Variants in ATP2B2 observed in about 807,000 individuals in gnomAD.
ATP2B2 encodes the protein ATPase plasma membrane Ca2+ transporting 2, also known as plasma membrane calcium-transporting ATPase 2.
Under a neutral mutation model 120.0 loss-of-function variants are expected in ATP2B2, and 15 were observed. The observed-to-expected ratio is 0.12, with a 90% CI of 0.08 to 0.19. The LOEUF (loss-of-function observed/expected upper bound fraction) is 0.19. Among genes scored for constraint, ATP2B2 ranks in the 10% least tolerant of loss-of-function variants. ATP2B2 has a pLI of 1.00. For missense variants in ATP2B2, 1,045 were observed against 1,719.8 expected, an observed-to-expected ratio of 0.61 and a Z score of 6.94; for synonymous variants, 694 against 700.3, an observed-to-expected ratio of 0.99 and a Z score of 0.14.
At chr3:10,487,019 C>T (rs1174638742) in intron 1 of ATP2B2, among the ~76,000 whole-genome samples, 4 of 152,190 alleles carry the variant, frequency 2.6e-5, no homozygotes, top group South Asian at 2.1e-4. Flanking sequence ...TGAGCCATTG[C>T]GCCCAGCCCC....
intron 2 of ATP2B2, among the ~76,000 whole-genome samples, chr3:10,615,681 C>T (rs2069365935): frequency 6.6e-6 from 1 of 152,188 alleles, no homozygotes. Flanking sequence ...CTTGCTCATC[C>T]TAGTCCTTCT....
At chr3:10,699,972 A>C (rs1384615785) in intron 1 of ATP2B2, among the ~76,000 whole-genome samples, 1 of 152,176 alleles carries the variant, frequency 6.6e-6, no homozygotes, top group African/African-American at 2.4e-5. Flanking sequence ...CCCGGTTTCA[A>C]GTGGTCTCTT....
At chr3:10,694,414 C>T (rs1487136889) in intron 1 of ATP2B2, among the ~76,000 whole-genome samples, 1 of 152,204 alleles carries the variant, frequency 6.6e-6, no homozygotes, top group Non-Finnish European at 1.5e-5. Context: ...TGACATCATG[C>T]AGTATGTAAC....
intron 1 of ATP2B2, among the ~76,000 whole-genome samples, chr3:10,680,547 C>A (rs1391652179): frequency 2.0e-5 from 3 of 152,148 alleles, no homozygotes; most frequent in African/African-American, 7.2e-5. Context: ...GATGCCTTGG[C>A]ATCTTCATCC....
chr3:10,658,507 A>C (rs935906928), intron 1 of ATP2B2, among the ~76,000 whole-genome samples: 2 of 152,244 alleles, frequency 1.3e-5, no homozygotes, highest in African/African-American at 4.8e-5. Context: ...ATTGAAGATC[A>C]AATGAATGAA....
At chr3:10,503,759 C>T (rs2066488624) in intron 1 of ATP2B2, among the ~76,000 whole-genome samples, 1 of 152,246 alleles carries the variant, frequency 6.6e-6, no homozygotes, top group African/African-American at 2.4e-5. Context: ...CATGTGTGTG[C>T]CTGTTGTTTT....
At chr3:10,705,564 C>A (rs1374276243) in intron 1 of ATP2B2, among the ~76,000 whole-genome samples, 1 of 152,238 alleles carries the variant, frequency 6.6e-6, no homozygotes, top group Non-Finnish European at 1.5e-5. Flanking sequence ...ACAGTGCAAG[C>A]ACTTGGACTC....
intron 1 of ATP2B2, among the ~76,000 whole-genome samples, chr3:10,695,344 C>T (rs1196126927): frequency 1.3e-5 from 2 of 151,906 alleles, no homozygotes; most frequent in African/African-American, 4.8e-5. Flanking sequence ...GCCTTATTCA[C>T]TATCATGAGA....
intron 2 of ATP2B2, among the ~76,000 whole-genome samples, chr3:10,616,816 C>A (rs916135588): frequency 1.3e-5 from 2 of 152,130 alleles, no homozygotes; most frequent in Admixed American, 6.6e-5. Context: ...AAGAAAAAAA[C>A]AAGTCACCTG....
chr3:10,345,366 G>T lies in ATP2B2; in HGVS notation c.2703+18C>A. On this transcript the variant is annotated intron_variant, in intron 18 of 22. Coordinates refer to ENST00000360273, the MANE Select transcript of ATP2B2 (RefSeq NM_001001331.4). ...TCCGCCCTCCCCCAGGCTTTGGTGT[G>T]GTCTCCTGCGGACCCACCTGCGTGA... 5 of 1,613,852 alleles carry T rather than the reference G, an allele frequency of 3.1e-6. No individual in the cohort carries two copies. The highest frequency in any genetic ancestry group is 4.2e-6 in the Non-Finnish European group (5 of 1,179,756).
chr3:10,564,846 T>G (rs900422740), intron 2 of ATP2B2, among the ~76,000 whole-genome samples: 2 of 152,222 alleles, frequency 1.3e-5, no homozygotes, highest in African/African-American at 4.8e-5. Context: ...GATTTCCTAT[T>G]GTTCTCTCAA....
chr3:10,480,979 G>A (rs767064454), intron 1 of ATP2B2, among the ~76,000 whole-genome samples: 7 of 152,144 alleles, frequency 4.6e-5, no homozygotes, highest in Non-Finnish European at 1.0e-4. Context: ...TGCTCCACCC[G>A]CACCAGATCT....
rs192519829 is a variant in ATP2B2, at chr3:10,604,910, C to G, written c.-415+15007G>C. On this transcript the variant is annotated intron_variant, in intron 2 of 21. Transcript: ENST00000646379. ...TCCCCCTCCTCCATGTACAGCTTTC[C>G]CAGTGCATTCAACTGTTCTTGTTCT... is the stretch of plus-strand genomic sequence containing the variant. 2.0e-5 allele frequency among the ~76,000 whole-genome samples: 3 copies of G among 152,298 alleles called. No homozygotes were observed. The East Asian group carries it at 5.8e-4, about 29-fold the overall frequency.
intron 1 of ATP2B2, among the ~76,000 whole-genome samples, chr3:10,665,444 C>A (rs975709444): frequency 1.2e-4 from 18 of 152,152 alleles, no homozygotes; most frequent in Admixed American, 6.5e-5. Context: ...GCACGGCATG[C>A]ACCTATCTCT....
chr3:10,526,573 A>G (rs896001222), intron 3 of ATP2B2, among the ~76,000 whole-genome samples: 6 of 151,904 alleles, frequency 3.9e-5, no homozygotes, highest in African/African-American at 7.3e-5. Flanking sequence ...TGCTGGCTCA[A>G]CCTCTTGGGG....
chr3:10,690,631 A>C (rs2071641233), intron 1 of ATP2B2, among the ~76,000 whole-genome samples: 1 of 152,098 alleles, frequency 6.6e-6, no homozygotes, highest in Non-Finnish European at 1.5e-5. Flanking sequence ...GATGCATAAC[A>C]CTTTTCTCAG....
At chr3:10,617,360 TA>T (rs1427199306) in intron 2 of ATP2B2, among the ~76,000 whole-genome samples, 1 of 151,594 alleles carries the variant, frequency 6.6e-6, no homozygotes, top group Admixed American at 6.6e-5. Flanking sequence ...TTAGATAAAA[TA>T]AAAAGAAACA....
At chr3:10,521,928 G>T (rs1303800204) in intron 3 of ATP2B2, among the ~76,000 whole-genome samples, 1 of 152,196 alleles carries the variant, frequency 6.6e-6, no homozygotes, top group Non-Finnish European at 1.5e-5. Context: ...AGTCAGCGAG[G>T]GGAGGTAACT....
chr3:10,527,776 G>T (rs576957181), intron 3 of ATP2B2, among the ~76,000 whole-genome samples: 1 of 152,246 alleles, frequency 6.6e-6, no homozygotes, highest in Non-Finnish European at 1.5e-5. Flanking sequence ...ATCACCCGGT[G>T]TCCCCGCTGG....
Sources: gnomAD v4.1 joint callset for allele counts (sites outside exome capture counted in the v4.1 genomes callset) on GRCh38, gnomAD v4.1.1 for gene constraint, MANE v1.5 for transcripts, NCBI Gene and HGNC (gene_info 2026-07-23, HGNC 2026-07-21) for gene names.